The following C1QTNF7 variants were observed in gnomAD, a reference collection of about 807,000 sequenced individuals.
C1QTNF7 encodes the protein C1q and TNF related 7.
A neutral mutation model predicts 19.6 loss-of-function variants in C1QTNF7; 15 were observed. The ratio of observed to expected loss-of-function variants is 0.76; its 90% CI spans 0.51 to 1.18. The LOEUF (loss-of-function observed/expected upper bound fraction) is 1.18, where lower values mean the gene tolerates loss of function less well. C1QTNF7 is among the 50% of genes most tolerant of loss of function. The probability of loss-of-function intolerance (pLI) is 0.00; values close to 1 mark genes in which losing one functional copy is unlikely to be tolerated. For missense variants in C1QTNF7, 324 were observed against 359.7 expected (o/e 0.90, Z 0.80); for synonymous variants, 142 against 137.5 (o/e 1.03, Z -0.23).
upstream of C1QTNF7, among the ~76,000 whole-genome samples, chr4:15,423,298 G>A (rs1355557613): frequency 7.7e-6 from 1 of 130,620 alleles, no homozygotes; most frequent in Non-Finnish European, 1.6e-5. Context: ...TAAGAACTGT[G>A]AGTTGAGATC....
chr4:15,431,740 T>C (rs1050639324), intron 1 of C1QTNF7, among the ~76,000 whole-genome samples: 5 of 152,206 alleles, frequency 3.3e-5, no homozygotes, highest in African/African-American at 7.2e-5. Flanking sequence ...CCATGTTTTT[T>C]GGGTTAAGCC....
rs745359759 is a variant in C1QTNF7, at chr4:15,404,248, A to C, written c.14-31488A>C. Among the ~76,000 whole-genome samples, 4 of 152,240 alleles carry C rather than the reference A, an allele frequency of 2.6e-5. No homozygotes were observed. In the South Asian group the frequency reaches 8.3e-4, roughly 32 times the overall value. ...CTGCTCCTTCTATGCCATTCATGGA[A>C]GCAGCGAGTGCTTGCTAGAAGAGAG... On this transcript the variant is annotated intron_variant, in intron 1 of 2. Transcript: ENST00000295297.
intron 1 of C1QTNF7, among the ~76,000 whole-genome samples, chr4:15,362,226 A>C (rs1420977621): frequency 6.6e-6 from 1 of 152,202 alleles, no homozygotes; most frequent in Non-Finnish European, 1.5e-5. Flanking sequence ...CTAAGAGGTG[A>C]TGTATAAAGA....
chr4:15,377,539 T>C (rs147432999), intron 1 of C1QTNF7, among the ~76,000 whole-genome samples: 38 of 152,294 alleles, frequency 2.5e-4, no homozygotes, highest in Non-Finnish European at 4.4e-4. Context: ...ACCAGCAACA[T>C]AGAGTATTTG....
intron 2 of C1QTNF7, among the ~76,000 whole-genome samples, chr4:15,438,013 G>A (rs990299606): frequency 6.6e-6 from 1 of 152,084 alleles, no homozygotes; most frequent in Non-Finnish European, 1.5e-5. Context: ...ATGTGGGGGA[G>A]GCCAATATAT....
At chr4:15,405,634 T>C (rs60487386) in intron 1 of C1QTNF7, among the ~76,000 whole-genome samples, 13,838 of 152,224 alleles carry the variant, frequency 0.091, 962 homozygotes, top group Admixed American at 0.2. Flanking sequence ...TAAAGAATTA[T>C]CACTCTCCCT....
chr4:15,416,143 C>T (rs1357504640), intron 1 of C1QTNF7, among the ~76,000 whole-genome samples: 1 of 152,146 alleles, frequency 6.6e-6, no homozygotes, highest in African/African-American at 2.4e-5. Flanking sequence ...AAGTTTATAT[C>T]ACTTTATATT....
At chr4:15,374,550 A>C in intron 1 of C1QTNF7, 1 of 985,354 alleles carries the variant, frequency 1.0e-6, no homozygotes, top group African/African-American at 1.7e-5. Flanking sequence ...CCACAGCGTC[A>C]TTGCACGCCG....
chr4:15,397,962 T>A (rs1484302058), intron 1 of C1QTNF7, among the ~76,000 whole-genome samples: 2 of 152,154 alleles, frequency 1.3e-5, no homozygotes, highest in Non-Finnish European at 2.9e-5. Context: ...GGCCCACCAC[T>A]CTCACCTCCC....
intron 1 of C1QTNF7, among the ~76,000 whole-genome samples, chr4:15,409,207 A>G (rs1386771165): frequency 3.3e-5 from 5 of 152,248 alleles, no homozygotes; most frequent in Admixed American, 6.5e-5. Context: ...AAAAGGCTGC[A>G]TGCAGCTGAA....
chr4:15,406,996 T>A (rs1365150731), intron 1 of C1QTNF7, among the ~76,000 whole-genome samples: 3 of 152,216 alleles, frequency 2.0e-5, no homozygotes, highest in Admixed American at 1.3e-4. Flanking sequence ...TATTTTCCCA[T>A]TTTGGAACAA....
At chr4:15,345,411 G>A (rs1214108941) in intron 1 of C1QTNF7, among the ~76,000 whole-genome samples, 1 of 152,184 alleles carries the variant, frequency 6.6e-6, no homozygotes, top group East Asian at 1.9e-4. Context: ...GCAGGGTGAC[G>A]ATTTCTACTT....
intron 2 of C1QTNF7, among the ~76,000 whole-genome samples, chr4:15,438,789 T>C (rs1560371684): frequency 6.6e-6 from 1 of 152,230 alleles, no homozygotes; most frequent in Non-Finnish European, 1.5e-5. Context: ...TCATAAGTAA[T>C]GACAGCTAAT....
At position 15,435,860 on chromosome 4, in the gene C1QTNF7, G is replaced by T; in HGVS notation, c.117G>T (p.Leu39Phe). 6.2e-7 allele frequency: 1 copy of T among 1,614,104 alleles called. No homozygotes were observed. The highest frequency in any genetic ancestry group is 8.5e-7 in the Non-Finnish European group (1 of 1,180,014). The part of the protein sequence containing the change: ...SPRYICSIPG[L>F]PGPPGPPGAN... ...GGTATATCTGCAGCATTCCTGGCTT[G>T]CCTGGACCTCCAGGGCCCCCTGGAG... Residue 39 changes from leucine to phenylalanine, a missense_variant, in exon 2 of 3, where the codon TTG (leucine) becomes TTT (phenylalanine). By Grantham distance (22) the Leu-to-Phe change is conservative. Transcript: ENST00000444304.
At chr4:15,415,030 C>T (rs189865241) in intron 1 of C1QTNF7, among the ~76,000 whole-genome samples, 56 of 152,314 alleles carry the variant, frequency 3.7e-4, no homozygotes, top group East Asian at 3.3e-3. Flanking sequence ...TCACTCAGAC[C>T]GCTAAGATTA....
intron 1 of C1QTNF7, among the ~76,000 whole-genome samples, chr4:15,348,907 GCTCT>G (rs1716805697): frequency 6.6e-6 from 1 of 152,154 alleles, no homozygotes; most frequent in South Asian, 2.1e-4. Context: ...CATGCACAGT[GCTCT>G]ACAGTAAAAC....
chr4:15,361,658 G>A (rs780522523), intron 1 of C1QTNF7, among the ~76,000 whole-genome samples: 50 of 152,138 alleles, frequency 3.3e-4, no homozygotes, highest in Admixed American at 7.2e-4. Context: ...GCCCTGTGTA[G>A]TCAGATTTCG....
intron 1 of C1QTNF7, among the ~76,000 whole-genome samples, chr4:15,357,017 A>T (rs1717170272): frequency 6.7e-6 from 1 of 149,982 alleles, no homozygotes. Context: ...AGATGGATAG[A>T]TTGCAAAAAT....
chr4:15,439,864 CT>C (rs1712679667), intron 2 of C1QTNF7, among the ~76,000 whole-genome samples: 1 of 151,532 alleles, frequency 6.6e-6, no homozygotes, highest in Admixed American at 6.6e-5. Context: ...AAAATCATTG[CT>C]TTTTTATATA....
Sources: gnomAD v4.1 joint callset for allele counts (sites outside exome capture counted in the v4.1 genomes callset) on GRCh38, gnomAD v4.1.1 for gene constraint, MANE v1.5 for transcripts, NCBI Gene and HGNC (gene_info 2026-07-23, HGNC 2026-07-21) for gene names.